Variants in XIST observed in about 807,000 individuals in gnomAD.
XIST encodes the protein X inactive specific transcript (non-protein coding).
chrX:73,834,702 T>C (rs765635727), intron 2 of XIST, among the ~76,000 whole-genome samples: 1 of 111,345 alleles, frequency 9.0e-6, no homozygotes, highest in African/African-American at 3.3e-5. Context: ...AATAATCACA[T>C]AGGCCAGGCG....
chrX:73,829,257 T>C (rs1272361760), intron 4 of XIST: 1 of 543,703 alleles, frequency 1.8e-6, no homozygotes, highest in African/African-American at 2.2e-5. Context: ...AGATAAACCA[T>C]GTAAATGCCA....
Position 73,845,068 on chromosome X carries a change from T to C in XIST, n.7656A>G, listed in dbSNP as rs776179885. On this transcript the variant is annotated non_coding_transcript_exon_variant, in exon 1 of 6. Coordinates refer to ENST00000429829, the Ensembl canonical transcript of XIST. ...CTGTACTGCAAAAGGGGTCTGAGAG[T>C]AGGACCTTATTCAGATGGGATGGGC... The C allele has an allele frequency of 5.4e-6, 3 of 552,962 alleles. No homozygotes were observed. The Admixed American group carries it at 6.8e-5, about 12-fold the overall frequency. 45.6% of individuals were successfully genotyped at this position (552,962 alleles called of 1,213,427 possible).
intron 5 of XIST, chrX:73,828,925 T>C (rs1034860426): frequency 1.2e-5 from 5 of 417,416 alleles, no homozygotes; most frequent in South Asian, 4.3e-5. Flanking sequence ...GTCAGTAATA[T>C]GGAAGACTGG....
At chrX:73,852,250 C>T (rs191320229) in exon 1 of XIST, 1 of 540,190 alleles carries the variant, frequency 1.9e-6, no homozygotes, top group Admixed American at 2.4e-5. Context: ...CCCCGATGGG[C>T]TAAGGAAAAA....
chrX:73,850,592 T>C (rs1922895502), exon 1 of XIST: 1 of 533,670 alleles, frequency 1.9e-6, no homozygotes, highest in Admixed American at 2.4e-5. Flanking sequence ...CTGTGATCCA[T>C]TCTGGTCCTT....
In XIST at chrX:73,845,608, G is replaced by A. The variant is rs762200217; in HGVS notation, n.7116C>T. 5 of 551,700 alleles carry A rather than the reference G, an allele frequency of 9.1e-6. No individual in the cohort carries two copies. In the African/African-American group the frequency reaches 9.3e-5, roughly 10 times the overall value. 45.5% of individuals were successfully genotyped at this position (551,700 alleles called of 1,213,427 possible). Reference sequence around the variant, plus strand: ...ACAGGCCAAGAAAAAGGGCCTTGGTGATTCAGTACCCCTGCTGTACTGCAA... The same window carrying A: ...ACAGGCCAAGAAAAAGGGCCTTGGTAATTCAGTACCCCTGCTGTACTGCAA... On this transcript the variant is annotated non_coding_transcript_exon_variant, in exon 1 of 6. Transcript: ENST00000429829.
At chrX:73,823,635 TAAG>T in exon 6 of XIST, 1 of 558,819 alleles carries the variant, frequency 1.8e-6, no homozygotes, top group East Asian at 3.2e-5. Context: ...CATCAGCACT[TAAG>T]AAACTGGATG....
chrX:73,822,638 A>AT (rs1473045414), exon 6 of XIST: 2 of 522,269 alleles, frequency 3.8e-6, no homozygotes, highest in Admixed American at 2.6e-5. Flanking sequence ...AATGGTTGAG[A>AT]TAACAGTCAC....
exon 1 of XIST, chrX:73,846,896 GA>G (rs1354418950): frequency 1.8e-6 from 1 of 557,603 alleles, no homozygotes; most frequent in Non-Finnish European, 3.2e-6. Flanking sequence ...TGATAGGTCA[GA>G]AACCCAAGTC....
rs145461488 is a variant in XIST, at chrX:73,820,953, A to G, written n.18948T>C. The stretch of plus-strand genomic sequence containing the variant: ...AAGCAGATTTATTCATCACAACTTC[A>G]TTTATGTGAATAAAGCAGATGATGA... On this transcript the variant is annotated non_coding_transcript_exon_variant, in exon 6 of 6. Coordinates refer to ENST00000429829, the Ensembl canonical transcript of XIST. The G allele has an allele frequency of 4.0e-3, 2,203 of 557,636 alleles. 29 individuals are homozygous for G. The African/African-American group carries it at 0.043, about 11-fold the overall frequency. The allele number at this position is 557,636 out of a possible 1,213,427, so 46.0% of individuals were successfully genotyped here.
At chrX:73,833,443 C>G in intron 2 of XIST, 1 of 489,572 alleles carries the variant, frequency 2.0e-6, no homozygotes, top group Non-Finnish European at 3.6e-6. Flanking sequence ...GTTACAAAAA[C>G]CCCAATGAAA....
At chrX:73,825,307 C>A in exon 6 of XIST, 1 of 558,956 alleles carries the variant, frequency 1.8e-6, no homozygotes, top group South Asian at 2.2e-5. Context: ...ATTCATTTAT[C>A]AAACAATTCC....
intron 1 of XIST, among the ~76,000 whole-genome samples, chrX:73,840,732 T>C (rs1922571715): frequency 8.9e-6 from 1 of 111,757 alleles, no homozygotes; most frequent in Non-Finnish European, 1.9e-5. Context: ...CCTCAATCTC[T>C]GAACTTTAAA....
At chrX:73,845,194 CT>C (rs746470845) in exon 1 of XIST, 136 of 554,463 alleles carry the variant, frequency 2.5e-4, no homozygotes, top group Non-Finnish European at 4.0e-4. Context: ...GGAGCGGGTA[CT>C]TCCTGCCAGA....
intron 2 of XIST, among the ~76,000 whole-genome samples, chrX:73,837,200 C>G (rs1922500453): frequency 9.0e-6 from 1 of 111,310 alleles, no homozygotes; most frequent in South Asian, 3.8e-4. Context: ...GTACCTCAGA[C>G]AGGTGATTAA....
At chrX:73,841,896 C>T (rs1359681916) in exon 1 of XIST, 22 of 514,936 alleles carry the variant, frequency 4.3e-5, no homozygotes, top group Non-Finnish European at 6.6e-5. Context: ...GCAGGTGCTC[C>T]AGATGAAGAA....
At chrX:73,826,483 GCTGGCTCAAGA>G in exon 6 of XIST, 1 of 559,058 alleles carries the variant, frequency 1.8e-6, no homozygotes, top group Admixed American at 2.2e-5. Flanking sequence ...GTGATTTAAA[GCTGGCTCAAGA>G]CTGGCCCAGG....
exon 1 of XIST, chrX:73,847,522 A>G: frequency 9.8e-6 from 5 of 511,476 alleles, no homozygotes; most frequent in Middle Eastern, 3.1e-4. Context: ...ACCCGGCCTC[A>G]GGGCAATTTT....
exon 6 of XIST, chrX:73,823,336 G>C (rs1236918382): frequency 4.2e-6 from 2 of 480,225 alleles, no homozygotes; most frequent in African/African-American, 2.5e-5. Flanking sequence ...TAATCTCAAA[G>C]GCAATTGAGT....
Sources: allele counts gnomAD v4.1 joint callset (sites outside exome capture counted in the v4.1 genomes callset), GRCh38; gene constraint gnomAD v4.1.1; transcripts MANE v1.5; gene names NCBI Gene and HGNC (gene_info 2026-07-23, HGNC 2026-07-21).